The following FDX2 variants were observed in gnomAD, a reference collection of about 807,000 sequenced individuals.
FDX2 encodes the protein ferredoxin 2.
In FDX2, 13 loss-of-function variants were observed where a neutral mutation model predicts 18.5. The observed-to-expected ratio is 0.70, with a 90% CI of 0.46 to 1.12. The LOEUF is 1.12. Among genes scored for constraint, FDX2 ranks in the 50% most tolerant of loss-of-function variants. The probability of loss-of-function intolerance (pLI) is 0.00; values close to 1 mark genes in which losing one functional copy is unlikely to be tolerated. For missense variants in FDX2, 238 were observed against 250.4 expected (o/e 0.95, Z 0.34); for synonymous variants, 132 against 106.2 (o/e 1.24, Z -1.49).
intron 3 of FDX2, among the ~76,000 whole-genome samples, chr19:10,314,303 T>G (rs1191619491): frequency 6.6e-6 from 1 of 152,314 alleles, no homozygotes; most frequent in East Asian, 1.9e-4. Flanking sequence ...CTATTATTAT[T>G]TTTCTCTCAA....
At chr19:10,313,676 T>TAA (rs2040348566) in intron 3 of FDX2, among the ~76,000 whole-genome samples, 1 of 41,122 alleles carries the variant, frequency 2.4e-5, no homozygotes, top group Non-Finnish European at 4.7e-5. Context: ...TATATATTTT[T>TAA]TTTTTTTTTT....
At chr19:10,311,700 A>T (rs1177287488) in intron 3 of FDX2, among the ~76,000 whole-genome samples, 3 of 135,284 alleles carry the variant, frequency 2.2e-5, no homozygotes, top group Non-Finnish European at 4.7e-5. Flanking sequence ...GCACCCGGCC[A>T]GGATTTTTTT....
At position 10,310,870 on chromosome 19, in the gene FDX2, C is replaced by A; in HGVS notation, c.387G>T (p.Leu129=). Residue 129 remains leucine (L), a synonymous_variant, in exon 4 of 5, where the codon CTG becomes CTT. Coordinates refer to ENST00000393708, the MANE Select transcript of FDX2 (RefSeq NM_001031734.4). ...CCACTCACCTCTCCTCGGGAGGAGGCAGGAGATCCAGGTGGTCTTCACTCA... is the reference window on the plus strand; with the variant it reads ...CCACTCACCTCTCCTCGGGAGGAGGAAGGAGATCCAGGTGGTCTTCACTCA... 6.2e-7 allele frequency: 1 copy of A among 1,613,838 alleles called. No individual in the cohort carries two copies. Among genetic ancestry groups the A allele is most frequent in the Non-Finnish European group, 8.5e-7 (1 of 1,179,934 alleles).
chr19:10,315,318 GGT>G (rs1491110511), intron 3 of FDX2, 66 bp downstream of exon 3: 18,430 of 423,554 alleles, frequency 0.044, 1,273 homozygotes, highest in Middle Eastern at 0.055. Context: ...CTAATTTGTG[GGT>G]TTTTTTTTTT....
chr19:10,311,394 G>A (rs927255890), intron 3 of FDX2, among the ~76,000 whole-genome samples: 3 of 147,856 alleles, frequency 2.0e-5, no homozygotes, highest in Non-Finnish European at 1.5e-5. Flanking sequence ...TCAGGCATTA[G>A]GATTTTGTTT....
intron 2 of FDX2, 101 bp downstream of exon 2, chr19:10,315,604 G>A (rs939347285): frequency 1.2e-4 from 185 of 1,517,730 alleles, no homozygotes; most frequent in Non-Finnish European, 2.7e-5. Context: ...ACTGAATAGG[G>A]CAAAGCAGAA....
intron 3 of FDX2, among the ~76,000 whole-genome samples, chr19:10,313,574 A>G (rs1261556956): frequency 6.8e-6 from 1 of 147,858 alleles, no homozygotes; most frequent in African/African-American, 2.5e-5. Context: ...CTCATCTATA[A>G]TAGGGAATAA....
intron 3 of FDX2, among the ~76,000 whole-genome samples, chr19:10,315,028 G>T (rs1425128955): frequency 6.6e-6 from 1 of 152,152 alleles, no homozygotes; most frequent in Non-Finnish European, 1.5e-5. Flanking sequence ...TTGAACCCGG[G>T]AGGTGGAGGT....
Position 10,315,466 on chromosome 19 carries a change from G to A in FDX2, c.236C>T (p.Ser79Leu), listed in dbSNP as rs2040372169. Residue 79 changes from serine (S) to leucine (L), a missense_variant, in exon 3 of 5, where the codon TCA becomes TTA. Physicochemically the swap from Ser to Leu is moderately radical, Grantham distance 145. Transcript: ENST00000393708. ...GCCACTCACTGGGATCCGCTGGCCT[G>A]AGCGGTCTACGAACACCACGTTCAC... 1 of 1,613,860 alleles carries A rather than the reference G, an allele frequency of 6.2e-7. No homozygotes were observed. Among genetic ancestry groups the A allele is most frequent in the Non-Finnish European group, 8.5e-7 (1 of 1,179,998 alleles).
rs541579149 is a variant in FDX2, at chr19:10,315,750, G to A, written c.164C>T (p.Pro55Leu). Reference sequence around the variant, plus strand: ...GCCGCCCGCGTCCTCCTCTCCAGCCGGGCGCGAGCCTGGAAAACACGGTTC... The same window carrying A: ...GCCGCCCGCGTCCTCCTCTCCAGCCAGGCGCGAGCCTGGAAAACACGGTTC... The change falls in exon 2 of 5, where the codon CCG (proline) becomes CTG (leucine). Residue 55 changes from proline to leucine, a missense_variant. Transcript: ENST00000393708. The A allele has an allele frequency of 2.5e-6, 4 of 1,585,102 alleles. No individual in the cohort carries two copies. Among genetic ancestry groups the A allele is most frequent in the African/African-American group, 1.4e-5 (1 of 74,022 alleles).
intron 3 of FDX2, among the ~76,000 whole-genome samples, chr19:10,314,832 G>T (rs529689668): frequency 6.6e-6 from 1 of 152,048 alleles, no homozygotes; most frequent in South Asian, 2.1e-4. Context: ...GGCTGGGCGC[G>T]GTGGCTCATG....
intron 3 of FDX2, among the ~76,000 whole-genome samples, chr19:10,313,309 C>T (rs1282888761): frequency 2.0e-5 from 3 of 152,070 alleles, no homozygotes; most frequent in Non-Finnish European, 2.9e-5. Context: ...CAAAAGCAAA[C>T]CCTATATATT....
Position 10,310,441 on chromosome 19 carries a change from T to C in FDX2, c.*45A>G. 6.2e-7 allele frequency: 1 copy of C among 1,612,348 alleles called. No individual in the cohort carries two copies. The highest frequency in any genetic ancestry group is 1.1e-5 in the South Asian group (1 of 91,012). Reference sequence around the variant, plus strand: ...CTGGCACCTGGCTATTCCCTCAATCTGGGCCCTGGGGCCATGGCAATGTGG... The same window carrying C: ...CTGGCACCTGGCTATTCCCTCAATCCGGGCCCTGGGGCCATGGCAATGTGG... On this transcript the variant is annotated 3_prime_UTR_variant, in exon 5 of 5. Coordinates refer to ENST00000393708, the MANE Select transcript of FDX2 (RefSeq NM_001031734.4).
Position 10,312,859 on chromosome 19 carries a change from C to T in FDX2, c.317-1919G>A, listed in dbSNP as rs182313353. Among the ~76,000 whole-genome samples the T allele has an allele frequency of 1.1e-3, 160 of 152,234 alleles. 1 individual carries two copies. Among genetic ancestry groups the T allele is most frequent in the African/African-American group, 3.1e-3 (130 of 41,562 alleles). ...GCCAGGCCACTTACCTCTACTAGCC[C>T]GGCACAGTGGCTCATGTCTGTAATC... On this transcript the variant is annotated intron_variant, in intron 3 of 4. Coordinates refer to ENST00000393708, the MANE Select transcript of FDX2 (RefSeq NM_001031734.4).
rs369997351 is a variant in FDX2, at chr19:10,316,002, G to C, written c.4C>G (p.His2Asp). 3.1e-6 allele frequency: 5 copies of C among 1,601,628 alleles called. No homozygotes were observed. The highest frequency in any genetic ancestry group is 8.5e-7 in the Non-Finnish European group (1 of 1,177,004). Residue 2 changes from histidine (H) to aspartate (D), a missense_variant, in exon 1 of 5, where the codon CAT (histidine) becomes GAT (aspartate). Coordinates refer to ENST00000393708, the MANE Select transcript of FDX2 (RefSeq NM_001031734.4). ...CGGGCCATGGAGGCGGCCATGACAT[G>C]CATCACGTGACTCACCGACTGAGCA...
At chr19:10,313,878 G>A (rs1322628857) in intron 3 of FDX2, among the ~76,000 whole-genome samples, 1 of 149,670 alleles carries the variant, frequency 6.7e-6, no homozygotes, top group Non-Finnish European at 1.5e-5. Context: ...TAGAGACGGG[G>A]TTTCACCATT....
intron 2 of FDX2, 66 bp from the exon 3 acceptor site, chr19:10,315,558 G>A: frequency 6.4e-7 from 1 of 1,568,500 alleles, no homozygotes; most frequent in Non-Finnish European, 8.7e-7. Flanking sequence ...TAGAATCTAG[G>A]GTTAGGAAGT....
intron 3 of FDX2, among the ~76,000 whole-genome samples, chr19:10,311,801 G>C (rs986471671): frequency 6.8e-6 from 1 of 147,998 alleles, no homozygotes; most frequent in Admixed American, 6.9e-5. Flanking sequence ...CCCGGCTCAA[G>C]CGATCCTCCC....
rs780188039 is a variant in FDX2, at chr19:10,310,438, A to G, written c.*48T>C. On this transcript the variant is annotated 3_prime_UTR_variant, in exon 5 of 5. Transcript: ENST00000393708. ...GGGCTGGCACCTGGCTATTCCCTCA[A>G]TCTGGGCCCTGGGGCCATGGCAATG... The G allele has an allele frequency of 1.4e-5, 22 of 1,611,738 alleles. No homozygotes were observed. The highest frequency in any genetic ancestry group is 1.5e-5 in the Non-Finnish European group (18 of 1,178,536).
Sources: allele counts gnomAD v4.1 joint callset (sites outside exome capture counted in the v4.1 genomes callset), GRCh38; gene constraint gnomAD v4.1.1; transcripts MANE v1.5; gene names NCBI Gene and HGNC (gene_info 2026-07-23, HGNC 2026-07-21).